CNGA4: variants seen among roughly 807,000 people sequenced by gnomAD.
The protein encoded by CNGA4 is cyclic nucleotide-gated channel alpha-4.
A neutral mutation model predicts 45.6 loss-of-function variants in CNGA4; 32 were observed. The observed-to-expected ratio is 0.70, with a 90% confidence interval of 0.53 to 0.94. The LOEUF (loss-of-function observed/expected upper bound fraction) is 0.94. CNGA4 is among the 40% of genes least tolerant of loss of function. The probability of loss-of-function intolerance (pLI) is 0.00; values close to 1 mark genes in which losing one functional copy is unlikely to be tolerated. For synonymous variants in CNGA4, 293 were observed against 304.6 expected, an observed-to-expected ratio of 0.96 and a Z score of 0.40; for missense variants, 726 against 755.1, an observed-to-expected ratio of 0.96 and a Z score of 0.45.
rs200534331 is a variant in CNGA4, at chr11:6,244,302, A to G, written c.1621A>G (p.Met541Val). ...RLEWQTREWP[M>V]PEDLAEADDE... ...GGAGTGGCAGACTCGAGAGTGGCCA[A>G]TGCCCGAGGACCTGGCTGAGGCTGA... The change falls in exon 6 of 6, where the codon ATG becomes GTG. Residue 541 changes from methionine to valine, a missense_variant. Met to Val is a conservative substitution (Grantham distance 21, BLOSUM62 1). Coordinates refer to ENST00000379936, the MANE Select transcript of CNGA4 (RefSeq NM_001037329.4). The surrounding 1 kb of genome is among the most constrained non-coding windows in gnomAD (Gnocchi z 4.5). The G allele has an allele frequency of 7.4e-6, 12 of 1,614,166 alleles. No homozygotes were observed. Among genetic ancestry groups the G allele is most frequent in the Middle Eastern group, 3.3e-4 (2 of 6,062 alleles).
intron 5 of CNGA4, 70 bp from the exon 6 acceptor site, chr11:6,243,879 G>A: frequency 2.2e-5 from 31 of 1,415,644 alleles, no homozygotes; most frequent in Non-Finnish European, 3.0e-5. Context: ...GAAGGTCCTG[G>A]TTCAGGAGTG....
chr11:6,239,346 C>T (rs372687394), intron 1 of CNGA4, 38 bp from the exon 2 acceptor site: 4 of 1,612,196 alleles, frequency 2.5e-6, no homozygotes, highest in Non-Finnish European at 3.4e-6. Context: ...GCTTTGAATG[C>T]CTGGTGAATA....
chr11:6,236,488 T>C (rs192897021), upstream of CNGA4, among the ~76,000 whole-genome samples: 1 of 152,108 alleles, frequency 6.6e-6, no homozygotes, highest in South Asian at 2.1e-4. Context: ...GGTTTGATGA[T>C]TGGGTGGATA....
At chr11:6,243,733 G>T (rs1847949182) in intron 5 of CNGA4, among the ~76,000 whole-genome samples, 1 of 152,136 alleles carries the variant, frequency 6.6e-6, no homozygotes, top group Non-Finnish European at 1.5e-5. Context: ...CAATATATGT[G>T]TATCTCCTCT....
At chr11:6,244,518 G>A (rs747632271), downstream of CNGA4, 38 of 1,078,570 alleles carry the variant, frequency 3.5e-5, no homozygotes, top group Non-Finnish European at 4.1e-5. This position sits in a 1 kb window ranked among gnomAD's most constrained non-coding sequence, Gnocchi z 4.5. Flanking sequence ...ACACAGGAGC[G>A]AATTGGTCTG....
Position 6,240,368 on chromosome 11 carries a change from C to T in CNGA4, c.574C>T (p.Arg192Trp), listed in dbSNP as rs202030466. ...CAGCTGCCTATACTTTGCCCTATCC[C>T]GGTACCTGGGCTTCGGGCGTGACGC... is the stretch of plus-strand genomic sequence containing the variant. ...WNSCLYFALS[R>W]YLGFGRDAWV... Residue 192 changes from arginine to tryptophan, a missense_variant, in exon 4 of 6, where the codon CGG (arginine) becomes TGG (tryptophan). By Grantham distance (101) the Arg-to-Trp change is moderately radical (BLOSUM62 -3). Coordinates refer to ENST00000379936, the MANE Select transcript of CNGA4 (RefSeq NM_001037329.4). The surrounding 1 kb of genome is among the most constrained non-coding windows in gnomAD (Gnocchi z 4.9). 26 of 1,614,228 alleles carry T rather than the reference C, an allele frequency of 1.6e-5. No individual in the cohort carries two copies. In the East Asian group the frequency reaches 5.3e-4, roughly 33 times the overall value.
chr11:6,241,643 G>A lies in CNGA4; in HGVS notation c.1130G>A (p.Arg377His), dbSNP rs151143637. ...TACTCACCAGGTGAATATGTATGCC[G>A]CAAAGGAGACATTGGCCAAGAGATG... ...QTYSPGEYVC[R>H]KGDIGQEMYI... The change falls in exon 5 of 6, where the codon CGC becomes CAC. Residue 377 changes from arginine to histidine, a missense_variant. Arg to His is a conservative substitution (Grantham distance 29). Transcript: ENST00000379936. The A allele has an allele frequency of 1.9e-5, 30 of 1,614,090 alleles. No homozygotes were observed. Among genetic ancestry groups the A allele is most frequent in the South Asian group, 5.5e-5 (5 of 91,092 alleles).
upstream of CNGA4, chr11:6,234,803 C>G (rs1256597192): frequency 2.0e-5 from 3 of 152,774 alleles, no homozygotes; most frequent in African/African-American, 7.2e-5. Context: ...AGGGCGGGGT[C>G]GCCGACGGCT....
chr11:6,240,972 G>A lies in CNGA4; in HGVS notation c.917+261G>A, dbSNP rs1419515797. Among the ~76,000 whole-genome samples, 14 of 152,198 alleles carry A rather than the reference G, an allele frequency of 9.2e-5. 1 individual carries two copies. Among genetic ancestry groups the A allele is most frequent in the Non-Finnish European group, 1.8e-4 (12 of 68,034 alleles). On this transcript the variant is annotated intron_variant, in intron 4 of 5. Transcript: ENST00000379936. This position sits in a 1 kb window ranked among gnomAD's most constrained non-coding sequence, Gnocchi z 4.9. ...GGATAATATGGAGACCAGGGAATGG[G>A]AAGTGCCACTGCCTGGTAGGGCTCA...
downstream of CNGA4, chr11:6,244,554 G>A (rs1847966479): frequency 3.1e-6 from 2 of 649,236 alleles, no homozygotes; most frequent in Admixed American, 5.7e-5. This position sits in a 1 kb window ranked among gnomAD's most constrained non-coding sequence, Gnocchi z 4.5. Context: ...AGATATAGGA[G>A]TTTAACGCAC....
chr11:6,240,054 C>T lies in CNGA4; in HGVS notation c.272-12C>T, dbSNP rs749963340. 4 of 1,594,280 alleles carry T rather than the reference C, an allele frequency of 2.5e-6. No individual in the cohort carries two copies. The highest frequency in any genetic ancestry group is 1.3e-5 in the African/African-American group (1 of 74,514). On this transcript the variant is annotated splice_polypyrimidine_tract_variant and intron_variant, in intron 3 of 5. Coordinates refer to ENST00000379936, the MANE Select transcript of CNGA4 (RefSeq NM_001037329.4). The surrounding 1 kb of genome is among the most constrained non-coding windows in gnomAD (Gnocchi z 4.9). The stretch of plus-strand genomic sequence containing the variant: ...ACAGCAGGTCCGCTTCCTACCGGCT[C>T]CCTCTCCCCAGGATTCTTGGAACAG...
chr11:6,243,749 G>A (rs1032574797), intron 5 of CNGA4, among the ~76,000 whole-genome samples, 200 bp from the exon 6 acceptor site: 18 of 152,166 alleles, frequency 1.2e-4, no homozygotes, highest in African/African-American at 4.3e-4. Context: ...CCTCTAGACT[G>A]TGAATTATTT....
At chr11:6,244,585 TACACACACACACAC>T (rs59621297), downstream of CNGA4, among the ~76,000 whole-genome samples, 152 of 141,908 alleles carry the variant, frequency 1.1e-3, 1 homozygote, top group African/African-American at 3.4e-3. This position sits in a 1 kb window ranked among gnomAD's most constrained non-coding sequence, Gnocchi z 4.5. Flanking sequence ...CACTTACCAG[TACACACACACACAC>T]ACACACACAC....
At chr11:6,244,814 A>G (rs1411725312), downstream of CNGA4, among the ~76,000 whole-genome samples, 1 of 152,218 alleles carries the variant, frequency 6.6e-6, no homozygotes, top group Non-Finnish European at 1.5e-5. The surrounding 1 kb of genome is among the most constrained non-coding windows in gnomAD (Gnocchi z 4.5). Flanking sequence ...TCATACACTG[A>G]TAGACACAGA....
upstream of CNGA4, among the ~76,000 whole-genome samples, chr11:6,238,231 G>A (rs1425789018): frequency 2.0e-5 from 3 of 152,206 alleles, no homozygotes; most frequent in Non-Finnish European, 4.4e-5. Flanking sequence ...TTACCTGCTG[G>A]CCTGACTATT....
chr11:6,237,386 G>A (rs1404252204), upstream of CNGA4, among the ~76,000 whole-genome samples: 1 of 152,064 alleles, frequency 6.6e-6, no homozygotes, highest in Non-Finnish European at 1.5e-5. Flanking sequence ...GGTGACCGCG[G>A]GATACCCAAG....
Position 6,239,200 on chromosome 11 carries a change from C to G in CNGA4, c.-7C>G, listed in dbSNP as rs746326695. On this transcript the variant is annotated 5_prime_UTR_variant, in exon 1 of 6. Transcript: ENST00000379936. Reference sequence around the variant, plus strand: ...CATCTCACACCCCAGCACCAGACCACAGAACCATGAGCCAGGACACCAAAG... The same window carrying G: ...CATCTCACACCCCAGCACCAGACCAGAGAACCATGAGCCAGGACACCAAAG... 1 of 1,613,390 alleles carries G rather than the reference C, an allele frequency of 6.2e-7. No homozygotes were observed. Among genetic ancestry groups the G allele is most frequent in the South Asian group, 1.1e-5 (1 of 91,052 alleles).
chr11:6,243,030 C>T (rs1394542940), intron 5 of CNGA4, among the ~76,000 whole-genome samples: 1 of 152,194 alleles, frequency 6.6e-6, no homozygotes, highest in Non-Finnish European at 1.5e-5. Flanking sequence ...TCCACCCTCC[C>T]CACACTCTGC....
rs766412328 is a variant in CNGA4, at chr11:6,240,342, A to T, written c.548A>T (p.Asn183Ile). 3.7e-6 allele frequency: 6 copies of T among 1,614,040 alleles called. No individual in the cohort carries two copies. The East Asian group carries it at 1.3e-4, about 36-fold the overall frequency. Residue 183 changes from asparagine (N) to isoleucine (I), a missense_variant, in exon 4 of 6, where the codon AAC becomes ATC. By Grantham distance (149) the Asn-to-Ile change is moderately radical. Coordinates refer to ENST00000379936, the MANE Select transcript of CNGA4 (RefSeq NM_001037329.4). This position sits in a 1 kb window ranked among gnomAD's most constrained non-coding sequence, Gnocchi z 4.9. ...MLYIFVVIHWNSCLYFALSRY... is the reference protein window; with the variant it reads ...MLYIFVVIHWISCLYFALSRY... ...TACATTTTTGTCGTCATCCATTGGA[A>T]CAGCTGCCTATACTTTGCCCTATCC...
Sources: gnomAD v4.1 joint callset for allele counts (sites outside exome capture counted in the v4.1 genomes callset) on GRCh38, gnomAD v4.1.1 for gene constraint, Gnocchi (gnomAD v3.1) non-coding constraint, MANE v1.5 for transcripts, NCBI Gene and HGNC (gene_info 2026-07-23, HGNC 2026-07-21) for gene names.